HS6ST1: variants seen among roughly 807,000 people sequenced by gnomAD.
HS6ST1 encodes the protein heparan sulfate 6-O-sulfotransferase 1.
Under a neutral mutation model 25.2 loss-of-function variants are expected in HS6ST1, and 3 were observed. That is an observed-to-expected ratio of 0.12 (90% CI 0.05 to 0.31). The LOEUF (loss-of-function observed/expected upper bound fraction) is 0.31, where lower values mean the gene tolerates loss of function less well. HS6ST1 is among the 10% of genes least tolerant of loss of function. The pLI is 1.00. For missense variants in HS6ST1, 310 were observed against 609.6 expected, an observed-to-expected ratio of 0.51 and a Z score of 5.18; for synonymous variants, 204 against 275.1, an observed-to-expected ratio of 0.74 and a Z score of 2.56.
At chr2:128,317,397 C>A (rs1694387641) in intron 1 of HS6ST1, among the ~76,000 whole-genome samples, 1 of 152,376 alleles carries the variant, frequency 6.6e-6, no homozygotes, top group South Asian at 2.1e-4. Context: ...AAGCCTGTGC[C>A]TGGAAGAATT....
chr2:128,285,542 C>T (rs1453678655), intron 1 of HS6ST1, among the ~76,000 whole-genome samples: 2 of 152,232 alleles, frequency 1.3e-5, no homozygotes, highest in Non-Finnish European at 2.9e-5. Flanking sequence ...CCTGAGGACT[C>T]AGCTGCACTG....
intron 1 of HS6ST1, among the ~76,000 whole-genome samples, chr2:128,279,181 G>A (rs571882997): frequency 7.2e-5 from 11 of 152,174 alleles, no homozygotes; most frequent in African/African-American, 1.2e-4. Context: ...ATGGGGGTGC[G>A]GGGGTGGGTT....
rs1315806232 is a variant in HS6ST1, at chr2:128,267,530, G to A, written c.*632C>T. 6.4e-6 allele frequency: 1 copy of A among 155,512 alleles called. No homozygotes were observed. The highest frequency in any genetic ancestry group is 1.4e-5 in the Non-Finnish European group (1 of 70,032). The allele number at this position is 155,512 out of a possible 1,614,324, so 9.6% of individuals were successfully genotyped here. A position where few individuals can be genotyped will look rare whatever the true frequency, so the allele number is the denominator to read the frequency against. ...CCTCCTGACCCAAAGCATGAAGCAG[G>A]ACCATGGGCCAGAGAGGGGAGCAGG... On this transcript the variant is annotated 3_prime_UTR_variant, in exon 2 of 2. Coordinates refer to ENST00000259241, the MANE Select transcript of HS6ST1 (RefSeq NM_004807.3).
chr2:128,293,321 G>A (rs1693989020), intron 1 of HS6ST1, among the ~76,000 whole-genome samples: 1 of 152,246 alleles, frequency 6.6e-6, no homozygotes, highest in South Asian at 2.1e-4. Context: ...GGCCTGGGCA[G>A]AGCAAGGCCT....
chr2:128,302,593 C>A (rs546010912), intron 1 of HS6ST1, among the ~76,000 whole-genome samples: 382 of 152,246 alleles, frequency 2.5e-3, no homozygotes, highest in Non-Finnish European at 4.2e-3. Context: ...GACATGGTGG[C>A]TCCCTCCCAA....
Position 128,318,302 on chromosome 2 carries a change from C to G in HS6ST1, c.262G>C (p.Val88Leu), listed in dbSNP as rs1405521380. Residue 88 changes from valine (V) to leucine (L), a missense_variant, in exon 1 of 2, where the codon GTG (valine) becomes CTG (leucine). By Grantham distance (32) the Val-to-Leu change is conservative (BLOSUM62 1). This residue lies in a region of HS6ST1 where 9 missense variants were observed against 27.4 expected (regional missense o/e 0.33). Coordinates refer to ENST00000259241, the MANE Select transcript of HS6ST1 (RefSeq NM_004807.3). The surrounding 1 kb of genome is among the most constrained non-coding windows in gnomAD (Gnocchi z 5.7). Reference sequence around the variant, plus strand: ...TTCTGGATGTGCAGGAAGACGATCACGTCGTCGCCCTTCATGTCGAAGCGC... The same window carrying G: ...TTCTGGATGTGCAGGAAGACGATCAGGTCGTCGCCCTTCATGTCGAAGCGC... ...SLRFDMKGDDVIVFLHIQKTG... is the reference protein window; with the variant it reads ...SLRFDMKGDDLIVFLHIQKTG... The G allele has an allele frequency of 6.2e-7, 1 of 1,609,468 alleles. No individual in the cohort carries two copies. Among genetic ancestry groups the G allele is most frequent in the Admixed American group, 1.7e-5 (1 of 59,946 alleles).
intron 1 of HS6ST1, among the ~76,000 whole-genome samples, chr2:128,272,710 G>A (rs1472958838): frequency 6.6e-6 from 1 of 152,042 alleles, no homozygotes; most frequent in Non-Finnish European, 1.5e-5. Context: ...CCATTGAAAT[G>A]ACTCGGGTTT....
intron 1 of HS6ST1, among the ~76,000 whole-genome samples, chr2:128,281,794 A>C (rs1171254344): frequency 3.3e-5 from 5 of 152,242 alleles, no homozygotes; most frequent in Non-Finnish European, 5.9e-5. Flanking sequence ...AGGGCCTGGC[A>C]GCAGCCTGGG....
intron 1 of HS6ST1, among the ~76,000 whole-genome samples, chr2:128,269,927 C>T (rs1013594553): frequency 3.3e-5 from 5 of 152,152 alleles, no homozygotes; most frequent in Non-Finnish European, 5.9e-5. Flanking sequence ...GGAGGGACCC[C>T]GGGGAGCACA....
intron 1 of HS6ST1, among the ~76,000 whole-genome samples, chr2:128,276,490 C>A (rs1369655682): frequency 6.6e-6 from 1 of 152,086 alleles, no homozygotes; most frequent in East Asian, 1.9e-4. Flanking sequence ...CAGAGGCTAG[C>A]CCTGGGGTGT....
At chr2:128,269,368 C>T (rs1693575580) in intron 1 of HS6ST1, among the ~76,000 whole-genome samples, 1 of 152,170 alleles carries the variant, frequency 6.6e-6, no homozygotes, top group African/African-American at 2.4e-5. Flanking sequence ...GCGGACCAGC[C>T]AGCCCAGGAC....
chr2:128,291,302 CT>C (rs1693949301), intron 1 of HS6ST1, among the ~76,000 whole-genome samples: 1 of 152,262 alleles, frequency 6.6e-6, no homozygotes, highest in Non-Finnish European at 1.5e-5. Flanking sequence ...GGGAGGGCTA[CT>C]TTTCTTGCCC....
intron 1 of HS6ST1, among the ~76,000 whole-genome samples, chr2:128,287,686 C>T (rs1432400906): frequency 6.6e-6 from 1 of 152,240 alleles, no homozygotes; most frequent in Non-Finnish European, 1.5e-5. Context: ...GAGCTTGACC[C>T]TGTCCAAAAG....
chr2:128,288,338 C>T (rs1391585835), intron 1 of HS6ST1, among the ~76,000 whole-genome samples: 2 of 152,282 alleles, frequency 1.3e-5, no homozygotes, highest in East Asian at 3.9e-4. Flanking sequence ...TATTTGTACC[C>T]TGCTATGAAA....
At chr2:128,317,593 ACT>A (rs1694392298) in intron 1 of HS6ST1, among the ~76,000 whole-genome samples, 1 of 151,710 alleles carries the variant, frequency 6.6e-6, no homozygotes, top group Non-Finnish European at 1.5e-5. Flanking sequence ...GCACCTCACT[ACT>A]CTCACTTCCA....
At chr2:128,280,922 C>A (rs1254131145) in intron 1 of HS6ST1, among the ~76,000 whole-genome samples, 11 of 152,234 alleles carry the variant, frequency 7.2e-5, no homozygotes, top group Non-Finnish European at 1.3e-4. Context: ...GGCAGGACAC[C>A]CGGATGGACA....
At chr2:128,298,815 T>C (rs1038471526) in intron 1 of HS6ST1, among the ~76,000 whole-genome samples, 1 of 152,228 alleles carries the variant, frequency 6.6e-6, no homozygotes, top group Non-Finnish European at 1.5e-5. Flanking sequence ...TTTTATGTTA[T>C]GCATACTTCA....
rs1418738919 is a variant in HS6ST1 at position 128,266,549 on chromosome 2, C to T, written c.*1613G>A. The T allele has an allele frequency of 6.6e-6, 1 of 152,348 alleles. No individual in the cohort carries two copies. Among genetic ancestry groups the T allele is most frequent in the South Asian group, 2.1e-4 (1 of 4,832 alleles). 9.4% of individuals were successfully genotyped at this position (152,348 alleles called of 1,614,324 possible). On this transcript the variant is annotated 3_prime_UTR_variant, in exon 2 of 2. Coordinates refer to ENST00000259241, the MANE Select transcript of HS6ST1 (RefSeq NM_004807.3). ...CGACCTCACCTGACCCCAGCTTCGG[C>T]TTCCTGTGCTGCAGAAGGCGCTTGC...
chr2:128,265,565 AT>A lies in HS6ST1; in HGVS notation c.*2596del, dbSNP rs1037586395. ...GATGATTATGACTTGCTTTTCCATC[AT>A]CAACTCATTTTTTTGTATGAATAAC... is the stretch of plus-strand genomic sequence containing the variant. On this transcript the variant is annotated 3_prime_UTR_variant, in exon 2 of 2. Transcript: ENST00000259241. 4 of 152,264 alleles carry A rather than the reference AT, an allele frequency of 2.6e-5. No individual in the cohort carries two copies. Among genetic ancestry groups the A allele is most frequent in the Admixed American group, 6.5e-5 (1 of 15,290 alleles). 9.4% of individuals were successfully genotyped at this position (152,264 alleles called of 1,614,324 possible).
Sources: allele counts gnomAD v4.1 joint callset (sites outside exome capture counted in the v4.1 genomes callset), GRCh38; gene constraint gnomAD v4.1.1; regional missense constraint gnomAD v4.1.1; non-coding constraint Gnocchi (gnomAD v3.1); transcripts MANE v1.5; gene names NCBI Gene and HGNC (gene_info 2026-07-23, HGNC 2026-07-21).